The following DLG2 variants were observed in gnomAD, a reference collection of about 807,000 sequenced individuals.
DLG2 encodes discs large MAGUK scaffold protein 2.
DLG2 carries 45 observed loss-of-function variants against 132.5 expected under a neutral mutation model. The observed-to-expected ratio is 0.34, with a 90% confidence interval of 0.27 to 0.44. The LOEUF is 0.44. DLG2 is among the 20% of genes least tolerant of loss of function. The pLI is 1.00. For missense variants in DLG2, 1,045 were observed against 1,196.9 expected (o/e 0.87, Z 1.87); for synonymous variants, 424 against 419.6 (o/e 1.01, Z -0.13).
At chr11:83,858,658 A>C (rs2060938593) in intron 16 of DLG2, among the ~76,000 whole-genome samples, 1 of 152,156 alleles carries the variant, frequency 6.6e-6, no homozygotes, top group Non-Finnish European at 1.5e-5. Flanking sequence ...CATTATTATA[A>C]AGCAGCTCTC....
At chr11:84,912,818 A>G (rs1291433409) in intron 6 of DLG2, among the ~76,000 whole-genome samples, 2 of 152,260 alleles carry the variant, frequency 1.3e-5, no homozygotes, top group African/African-American at 2.4e-5. Context: ...GACTGAGGCC[A>G]TCATGAGGAT....
intron 4 of DLG2, among the ~76,000 whole-genome samples, chr11:85,209,125 T>G (rs2082086729): frequency 6.6e-6 from 1 of 152,110 alleles, no homozygotes. Context: ...GCTCCCTAAC[T>G]ATTCATCTTC....
At chr11:84,203,763 A>T (rs1276110362) in intron 8 of DLG2, among the ~76,000 whole-genome samples, 2 of 151,728 alleles carry the variant, frequency 1.3e-5, no homozygotes, top group African/African-American at 4.8e-5. Flanking sequence ...AAAACACAAA[A>T]TGGGGCTTGT....
intron 4 of DLG2, among the ~76,000 whole-genome samples, chr11:85,199,346 A>T (rs2081287787): frequency 6.6e-6 from 1 of 152,240 alleles, no homozygotes; most frequent in African/African-American, 2.4e-5. Flanking sequence ...TAGAAGAGAC[A>T]CAGCTAATCC....
At chr11:83,987,892 G>A (rs184770863) in intron 11 of DLG2, among the ~76,000 whole-genome samples, 128 of 152,260 alleles carry the variant, frequency 8.4e-4, no homozygotes, top group Admixed American at 1.6e-3. Flanking sequence ...GATTACTGAT[G>A]TTGAGCCTTT....
chr11:84,600,216 G>GA (rs1332894166), intron 6 of DLG2, among the ~76,000 whole-genome samples: 2 of 132,932 alleles, frequency 1.5e-5, no homozygotes, highest in Non-Finnish European at 3.1e-5. Flanking sequence ...AAGAAAGAAA[G>GA]AAAGAAAGAG....
chr11:83,624,210 A>G (rs2153439768), intron 19 of DLG2, among the ~76,000 whole-genome samples: 1 of 152,362 alleles, frequency 6.6e-6, no homozygotes, highest in Middle Eastern at 3.4e-3. Flanking sequence ...ATTAACAGTA[A>G]TGAGATCTGG....
chr11:83,904,683 T>C lies in DLG2; in HGVS notation c.1496+25645A>G, dbSNP rs1244642046. Among the ~76,000 whole-genome samples, 3 of 152,156 alleles carry C rather than the reference T, an allele frequency of 2.0e-5. No homozygotes were observed. The East Asian group carries it at 5.8e-4, about 29-fold the overall frequency. On this transcript the variant is annotated intron_variant, in intron 15 of 27. Transcript: ENST00000376104. ...ACTTTTTTTTTTTAACCATCCATCA[T>C]AATAACAATAATGCATTTCTCCATA... is the stretch of plus-strand genomic sequence containing the variant.
At chr11:85,421,425 T>G (rs1397507654) in intron 3 of DLG2, among the ~76,000 whole-genome samples, 1 of 151,880 alleles carries the variant, frequency 6.6e-6, no homozygotes, top group African/African-American at 2.4e-5. Context: ...TCCCCCTTTT[T>G]TTTTTTTAAC....
intron 6 of DLG2, among the ~76,000 whole-genome samples, chr11:84,966,164 T>C (rs985071191): frequency 1.3e-5 from 2 of 152,032 alleles, no homozygotes; most frequent in Non-Finnish European, 2.9e-5. Context: ...AAGCTGGAAA[T>C]GGTAGTAGAT....
At chr11:83,688,877 A>T (rs1244159253) in intron 18 of DLG2, among the ~76,000 whole-genome samples, 1 of 152,100 alleles carries the variant, frequency 6.6e-6, no homozygotes, top group Non-Finnish European at 1.5e-5. Flanking sequence ...AGACCACTTC[A>T]ATCTATCCCT....
At position 84,387,350 on chromosome 11, in the gene DLG2, A is replaced by G. The variant is rs915566764; in HGVS notation, c.520-136059T>C. On this transcript the variant is annotated intron_variant, in intron 7 of 27. Coordinates refer to ENST00000376104, the MANE Select transcript of DLG2 (RefSeq NM_001142699.3). ...CTCTCCTGGAATAGTTCTCATTTGT[A>G]CCCAAAAGTATAAAATTTTTAAGAA... Among the ~76,000 whole-genome samples, 9 of 152,060 alleles carry G rather than the reference A, an allele frequency of 5.9e-5. 1 individual carries two copies. Among genetic ancestry groups the G allele is most frequent in the Admixed American group, 3.3e-4 (5 of 15,252 alleles).
intron 7 of DLG2, among the ~76,000 whole-genome samples, chr11:84,297,375 G>A (rs895767226): frequency 2.0e-5 from 3 of 152,032 alleles, no homozygotes; most frequent in Non-Finnish European, 4.4e-5. Context: ...TTGACTCCAG[G>A]AAGAGATATA....
In DLG2 at chr11:84,057,953, G is replaced by A. The variant is rs368366770; in HGVS notation, c.919+1362C>T. ...CACCAGGCTCTATTGCTTACCATGTGCCAGCTATTGGCTAAATGCTTAATC... is the reference window on the plus strand; with the variant it reads ...CACCAGGCTCTATTGCTTACCATGTACCAGCTATTGGCTAAATGCTTAATC... On this transcript the variant is annotated intron_variant, in intron 11 of 27. Coordinates refer to ENST00000376104, the MANE Select transcript of DLG2 (RefSeq NM_001142699.3). 5.3e-5 allele frequency among the ~76,000 whole-genome samples: 8 copies of A among 152,234 alleles called. No individual in the cohort carries two copies. In the East Asian group the frequency reaches 7.7e-4, roughly 15 times the overall value.
chr11:83,574,813 A>G (rs1387465762), intron 19 of DLG2, among the ~76,000 whole-genome samples: 1 of 152,180 alleles, frequency 6.6e-6, no homozygotes, highest in African/African-American at 2.4e-5. Context: ...TACAGTTCCT[A>G]TGTCAGCACA....
chr11:84,016,318 T>A (rs151055879), intron 11 of DLG2, among the ~76,000 whole-genome samples: 110 of 152,290 alleles, frequency 7.2e-4, no homozygotes, highest in African/African-American at 2.4e-3. Context: ...TTTTCTCCTA[T>A]TCTGTAGGTT....
chr11:84,924,366 C>A (rs765418259), intron 6 of DLG2, among the ~76,000 whole-genome samples: 8 of 152,166 alleles, frequency 5.3e-5, no homozygotes, highest in Non-Finnish European at 1.2e-4. Context: ...TGCCACGATG[C>A]TCCCCATCAG....
At chr11:85,335,707 C>T (rs1474815178) in intron 3 of DLG2, among the ~76,000 whole-genome samples, 2 of 151,918 alleles carry the variant, frequency 1.3e-5, no homozygotes, top group Admixed American at 6.6e-5. Context: ...GGATGACAAA[C>T]ACCGCATGTT....
chr11:85,240,263 C>A (rs2075810725), intron 4 of DLG2, among the ~76,000 whole-genome samples: 2 of 151,646 alleles, frequency 1.3e-5, no homozygotes, highest in African/African-American at 4.8e-5. Flanking sequence ...TATATATGCT[C>A]ATTATATGAT....
Sources: gnomAD v4.1 joint callset for allele counts (sites outside exome capture counted in the v4.1 genomes callset) on GRCh38, gnomAD v4.1.1 for gene constraint, MANE v1.5 for transcripts, NCBI Gene and HGNC (gene_info 2026-07-23, HGNC 2026-07-21) for gene names.